Variants in COBL observed in about 807,000 individuals in gnomAD.
COBL encodes cordon-bleu WH2 repeat protein.
In COBL, 51 loss-of-function variants were observed where a neutral mutation model predicts 98.8. The ratio of observed to expected loss-of-function variants is 0.52; its 90% CI spans 0.41 to 0.65. The LOEUF (loss-of-function observed/expected upper bound fraction) is 0.65, where lower values mean the gene tolerates loss of function less well. COBL is among the 30% of genes least tolerant of loss of function. COBL has a pLI of 0.00. For synonymous variants in COBL, 634 were observed against 651.7 expected (o/e 0.97, Z 0.41); for missense variants, 1,617 against 1,617.5 (o/e 1.00, Z 0.01).
intron 3 of COBL, among the ~76,000 whole-genome samples, chr7:51,192,714 A>C (rs1429103125): frequency 1.3e-5 from 2 of 152,234 alleles, no homozygotes; most frequent in African/African-American, 4.8e-5. Context: ...ATATTCTCCA[A>C]ATGCAATGAA....
chr7:51,159,733 C>G (rs981692220), intron 5 of COBL, among the ~76,000 whole-genome samples: 1 of 151,818 alleles, frequency 6.6e-6, no homozygotes, highest in East Asian at 1.9e-4. Flanking sequence ...TGGCATTAGG[C>G]CCTGTTTATC....
intron 7 of COBL, among the ~76,000 whole-genome samples, chr7:51,078,549 C>G (rs539207315): frequency 3.3e-5 from 5 of 152,352 alleles, no homozygotes; most frequent in African/African-American, 1.2e-4. Flanking sequence ...ATGGGTTTCA[C>G]TTACTTGAAA....
intron 7 of COBL, among the ~76,000 whole-genome samples, chr7:51,053,947 G>A (rs988891557): frequency 9.8e-5 from 15 of 152,368 alleles, no homozygotes; most frequent in African/African-American, 3.1e-4. Flanking sequence ...TTGGGAGGCC[G>A]AGGTGGGTGG....
At chr7:51,065,498 C>A in intron 7 of COBL, 2 of 665,084 alleles carry the variant, frequency 3.0e-6, no homozygotes, top group African/African-American at 1.8e-5. Flanking sequence ...GCCGAATGCA[C>A]GCAGGAATGG....
intron 7 of COBL, among the ~76,000 whole-genome samples, chr7:51,075,991 T>C (rs1268932823): frequency 1.3e-5 from 2 of 152,232 alleles, no homozygotes; most frequent in Non-Finnish European, 2.9e-5. Flanking sequence ...AAGGCCCATT[T>C]GCTCACGACC....
rs117910837 is a variant in COBL, at chr7:51,256,625, C to T, written c.42-36681G>A. Among the ~76,000 whole-genome samples, 1,195 of 152,342 alleles carry T rather than the reference C, an allele frequency of 7.8e-3. 58 individuals carry two copies. In the South Asian group the frequency reaches 0.13, roughly 17 times the overall value. On this transcript the variant is annotated intron_variant, in intron 1 of 12. Coordinates refer to ENST00000265136, the MANE Select transcript of COBL (RefSeq NM_015198.5). ...AATCGCCCTAGTAGGGCCTCCAGAG[C>T]ACTCCTGCAAGCGTCACGTGGTTTC...
intron 7 of COBL, among the ~76,000 whole-genome samples, chr7:51,047,319 A>C (rs1175808467): frequency 6.6e-6 from 1 of 152,160 alleles, no homozygotes; most frequent in Non-Finnish European, 1.5e-5. Flanking sequence ...CCTCCACCTA[A>C]ATTATATAAT....
intron 1 of COBL, among the ~76,000 whole-genome samples, chr7:51,312,637 T>G (rs1803168271): frequency 6.6e-6 from 1 of 152,198 alleles, no homozygotes; most frequent in South Asian, 2.1e-4. Flanking sequence ...GGACACAGAT[T>G]ATGACTTCAT....
At chr7:51,022,737 G>A (rs1054658547) in intron 12 of COBL, 6 of 152,190 alleles carry the variant, frequency 3.9e-5, no homozygotes, top group African/African-American at 1.4e-4. Flanking sequence ...GAGGGTAAAA[G>A]AAAAAGATAC....
intron 8 of COBL, among the ~76,000 whole-genome samples, chr7:51,040,923 C>T (rs758690490): frequency 5.9e-5 from 9 of 152,224 alleles, no homozygotes; most frequent in Non-Finnish European, 7.3e-5. Flanking sequence ...GAGTCCTATG[C>T]GCAGCATCCC....
At chr7:51,071,128 A>G (rs1268225400) in intron 7 of COBL, 1 of 152,230 alleles carries the variant, frequency 6.6e-6, no homozygotes, top group Non-Finnish European at 1.5e-5. Flanking sequence ...GTCTCTAGTT[A>G]GAAAACGTGA....
At chr7:51,193,262 T>C (rs1369722427) in intron 3 of COBL, 117 bp downstream of exon 3, 2 of 853,782 alleles carry the variant, frequency 2.3e-6, no homozygotes, top group East Asian at 2.6e-5. Flanking sequence ...GGCATGAAAG[T>C]AGCAGCCTCA....
intron 1 of COBL, among the ~76,000 whole-genome samples, chr7:51,257,485 A>G (rs1277350622): frequency 6.6e-6 from 1 of 152,196 alleles, no homozygotes; most frequent in East Asian, 1.9e-4. Flanking sequence ...CGATTTTATA[A>G]ATCATGGAAT....
rs1214993720 is a variant in COBL at position 51,026,533 on chromosome 7, CT to C, written c.3504+12del. The C allele has an allele frequency of 6.2e-7, 1 of 1,613,258 alleles. No individual in the cohort carries two copies. Among genetic ancestry groups the C allele is most frequent in the Non-Finnish European group, 8.5e-7 (1 of 1,179,734 alleles). Reference sequence around the variant, plus strand: ...TGAGCTCCTGGCGCCATGGAAGGCCCTTCACCTCTTACCTTCCTCAGGCTGC... The same window carrying C: ...TGAGCTCCTGGCGCCATGGAAGGCCCTCACCTCTTACCTTCCTCAGGCTGC... On this transcript the variant is annotated intron_variant, in intron 11 of 12. Coordinates refer to ENST00000265136, the MANE Select transcript of COBL (RefSeq NM_015198.5).
intron 1 of COBL, among the ~76,000 whole-genome samples, chr7:51,307,524 A>C (rs1395678188): frequency 6.6e-6 from 1 of 152,224 alleles, no homozygotes; most frequent in African/African-American, 2.4e-5. Flanking sequence ...CTAATGCCAA[A>C]ATAAGGCAAG....
intron 1 of COBL, among the ~76,000 whole-genome samples, chr7:51,272,951 A>C (rs1228090225): frequency 1.6e-5 from 2 of 125,164 alleles, no homozygotes; most frequent in East Asian, 2.7e-4. Context: ...CACAATACCA[A>C]CAACAACAAC....
chr7:51,178,818 A>T (rs896328671), intron 5 of COBL, among the ~76,000 whole-genome samples: 1 of 152,194 alleles, frequency 6.6e-6, no homozygotes, highest in African/African-American at 2.4e-5. Flanking sequence ...CAAGCTGGTC[A>T]GGCTGGTCTC....
chr7:51,022,473 T>G (rs1032966415), intron 12 of COBL: 1 of 152,240 alleles, frequency 6.6e-6, no homozygotes, highest in Non-Finnish European at 1.5e-5. Flanking sequence ...CGCCCACGGC[T>G]TCATCCAGGC....
intron 8 of COBL, among the ~76,000 whole-genome samples, chr7:51,040,749 A>T (rs1428251140): frequency 6.6e-6 from 1 of 152,174 alleles, no homozygotes; most frequent in Non-Finnish European, 1.5e-5. Context: ...CACCCCAGAG[A>T]TGAGGGCAGG....
Sources: gnomAD v4.1 joint callset for allele counts (sites outside exome capture counted in the v4.1 genomes callset) on GRCh38, gnomAD v4.1.1 for gene constraint, MANE v1.5 for transcripts, NCBI Gene and HGNC (gene_info 2026-07-23, HGNC 2026-07-21) for gene names.